ABCB5: variants seen among roughly 807,000 people sequenced by gnomAD.
ABCB5 encodes ATP binding cassette subfamily B member 5, also known as ATP-binding cassette sub-family B member 5.
A neutral mutation model predicts 144.2 loss-of-function variants in ABCB5; 155 were observed. The ratio of observed to expected loss-of-function variants is 1.08; its 90% CI spans 0.94 to 1.23. ABCB5 has a LOEUF of 1.23. Among genes scored for constraint, ABCB5 ranks in the 50% most tolerant of loss-of-function variants. The pLI is 0.00. For synonymous variants in ABCB5, 610 were observed against 528.6 expected, an observed-to-expected ratio of 1.15 and a Z score of -2.11; for missense variants, 1,830 against 1,520.8, an observed-to-expected ratio of 1.20 and a Z score of -3.38.
At chr7:20,625,702 G>A (rs986386401) in intron 2 of ABCB5, among the ~76,000 whole-genome samples, 1 of 152,158 alleles carries the variant, frequency 6.6e-6, no homozygotes, top group African/African-American at 2.4e-5. Context: ...GTTCTGGCAG[G>A]AATGTAAAAT....
chr7:20,732,868 G>A (rs1350649027), intron 23 of ABCB5, among the ~76,000 whole-genome samples: 1 of 152,182 alleles, frequency 6.6e-6, no homozygotes, highest in East Asian at 1.9e-4. Flanking sequence ...TCACTTTCAT[G>A]CCTGCAAATG....
chr7:20,706,995 A>G (rs1016599562), intron 20 of ABCB5, among the ~76,000 whole-genome samples: 1 of 152,214 alleles, frequency 6.6e-6, no homozygotes, highest in African/African-American at 2.4e-5. Flanking sequence ...CAGTTTTTCT[A>G]TAAAAGGAAG....
chr7:20,668,752 C>T (rs1785329282), intron 14 of ABCB5, among the ~76,000 whole-genome samples: 3 of 142,320 alleles, frequency 2.1e-5, no homozygotes, highest in African/African-American at 5.4e-5. Flanking sequence ...CGGCCAGCCG[C>T]CCAGTCCGGG....
intron 14 of ABCB5, chr7:20,667,523 CTTTTA>C (rs1314668141): frequency 1.0e-6 from 1 of 978,994 alleles, no homozygotes; most frequent in South Asian, 4.7e-5. Context: ...TTAATGCTCT[CTTTTA>C]TATTTTCTAA....
Position 20,755,702 on chromosome 7 carries a change from A to G in ABCB5, c.*78A>G. 1 of 1,333,274 alleles carries G rather than the reference A, an allele frequency of 7.5e-7. No homozygotes were observed. The highest frequency in any genetic ancestry group is 1.3e-5 in the South Asian group (1 of 76,838). The allele number at this position is 1,333,274 out of a possible 1,614,324, so 82.6% of individuals were successfully genotyped here. ...CTTAATAATTACTTGGCAAGCTTTG[A>G]TCTCTTTTATTGCATATATCAATAC... On this transcript the variant is annotated 3_prime_UTR_variant, in exon 28 of 28. Coordinates refer to ENST00000404938, the MANE Select transcript of ABCB5 (RefSeq NM_001163941.2).
chr7:20,638,576 T>A (rs1254679158), intron 5 of ABCB5, among the ~76,000 whole-genome samples: 2 of 152,234 alleles, frequency 1.3e-5, no homozygotes, highest in Non-Finnish European at 2.9e-5. Context: ...GATTTGCATA[T>A]TACTGACATT....
chr7:20,628,182 C>G (rs202177899), intron 3 of ABCB5, among the ~76,000 whole-genome samples: 12 of 152,080 alleles, frequency 7.9e-5, no homozygotes, highest in Non-Finnish European at 1.0e-4. Flanking sequence ...CAACAGGCCC[C>G]GGTGTGTGAT....
At chr7:20,625,398 G>T (rs1034509550) in intron 2 of ABCB5, among the ~76,000 whole-genome samples, 2 of 152,168 alleles carry the variant, frequency 1.3e-5, no homozygotes, top group Admixed American at 6.5e-5. Flanking sequence ...GTGTGTGTGT[G>T]TAACTGACAG....
intron 13 of ABCB5, among the ~76,000 whole-genome samples, chr7:20,654,815 T>C (rs1395895982): frequency 1.3e-5 from 2 of 152,102 alleles, no homozygotes; most frequent in African/African-American, 2.4e-5. Flanking sequence ...TTGTGAGATA[T>C]AGTTAAAGTA....
intron 3 of ABCB5, among the ~76,000 whole-genome samples, chr7:20,627,343 C>G (rs1057284967): frequency 2.0e-5 from 3 of 152,178 alleles, no homozygotes; most frequent in South Asian, 4.1e-4. Context: ...TCTTAATGTC[C>G]GTAATGCTGA....
intron 20 of ABCB5, 70 bp downstream of exon 20, chr7:20,704,877 C>A: frequency 7.9e-7 from 1 of 1,261,924 alleles, no homozygotes; most frequent in East Asian, 2.4e-5. Context: ...ACACATGTGT[C>A]TGTGCATATA....
chr7:20,689,340 G>GA (rs1382384982), intron 16 of ABCB5, among the ~76,000 whole-genome samples: 1 of 152,142 alleles, frequency 6.6e-6, no homozygotes, highest in East Asian at 1.9e-4. Flanking sequence ...TGCTGGTGGG[G>GA]CTTGCTGGAA....
In ABCB5 at chr7:20,632,074, G is replaced by T; in HGVS notation, c.275G>T (p.Cys92Phe). The T allele has an allele frequency of 6.6e-7, 1 of 1,523,830 alleles. No homozygotes were observed. Among genetic ancestry groups the T allele is most frequent in the Non-Finnish European group, 8.8e-7 (1 of 1,134,084 alleles). 94.4% of individuals were successfully genotyped at this position (1,523,830 alleles called of 1,614,324 possible). A position where few individuals can be genotyped will look rare whatever the true frequency, so the allele number is the denominator to read the frequency against. ...TTTTTTACAGCAAATTATCAGAACTGTACTCAGTCTCAAGAGAAGCTGAAT... is the reference window on the plus strand; with the variant it reads ...TTTTTTACAGCAAATTATCAGAACTTTACTCAGTCTCAAGAGAAGCTGAAT... ...VQTNTTNYQN[C>F]TQSQEKLNED... Residue 92 changes from cysteine to phenylalanine, a missense_variant, in exon 5 of 28, where the codon TGT becomes TTT. Cys to Phe is a radical substitution (Grantham distance 205, BLOSUM62 -2). Coordinates refer to ENST00000404938, the MANE Select transcript of ABCB5 (RefSeq NM_001163941.2).
At chr7:20,627,599 T>C (rs1180475981) in intron 3 of ABCB5, among the ~76,000 whole-genome samples, 4 of 152,162 alleles carry the variant, frequency 2.6e-5, no homozygotes, top group Non-Finnish European at 5.9e-5. Context: ...TACTACAGAA[T>C]AGAATATAAA....
At chr7:20,667,933 C>T (rs1237855988) in intron 14 of ABCB5, among the ~76,000 whole-genome samples, 1 of 119,672 alleles carries the variant, frequency 8.4e-6, no homozygotes. Context: ...CTCTGTTGGC[C>T]GGGCTGGTCT....
intron 19 of ABCB5, among the ~76,000 whole-genome samples, chr7:20,702,797 G>A (rs944825311): frequency 6.7e-6 from 1 of 149,782 alleles, no homozygotes; most frequent in Non-Finnish European, 1.5e-5. Context: ...GAGTAGCTGG[G>A]ACTACAGGCG....
chr7:20,716,944 T>C (rs1443449382), intron 20 of ABCB5, among the ~76,000 whole-genome samples: 1 of 152,006 alleles, frequency 6.6e-6, no homozygotes, highest in Non-Finnish European at 1.5e-5. Context: ...TCCCCAGCGA[T>C]CTCCTCCAGT....
intron 16 of ABCB5, among the ~76,000 whole-genome samples, chr7:20,686,509 A>T (rs1786005804): frequency 6.6e-6 from 1 of 152,086 alleles, no homozygotes; most frequent in South Asian, 2.1e-4. Flanking sequence ...CACATCCTGA[A>T]CATTCTCTGC....
In ABCB5 at chr7:20,711,778, C is replaced by CTCTTTCTTTTCTT. The variant is rs1554287284; in HGVS notation, c.2421+6980_2421+6981insTCTTTCTTTCTTT. Among the ~76,000 whole-genome samples the CTCTTTCTTTTCTT allele has an allele frequency of 8.5e-5, 4 of 47,110 alleles. 1 individual carries two copies. In the Admixed American group the frequency reaches 1.1e-3, roughly 12 times the overall value. 30.9% of individuals were successfully genotyped at this position (47,110 alleles called of 152,430 possible). On this transcript the variant is annotated intron_variant, in intron 20 of 27. Coordinates refer to ENST00000404938, the MANE Select transcript of ABCB5 (RefSeq NM_001163941.2). ...CCAGCCTGCCTGCCTTTCCTTCTTTCTCTTTCTTTCTTTCTTTCTTTCTTT... is the reference window on the plus strand; with the variant it reads ...CCAGCCTGCCTGCCTTTCCTTCTTTCTCTTTCTTTTCTTTCTTTCTTTCTTTCTTTCTTTCTTT...
Sources: gnomAD v4.1 joint callset for allele counts (sites outside exome capture counted in the v4.1 genomes callset) on GRCh38, gnomAD v4.1.1 for gene constraint, MANE v1.5 for transcripts, NCBI Gene and HGNC (gene_info 2026-07-23, HGNC 2026-07-21) for gene names.